Variants in GPATCH2 observed in about 807,000 individuals in gnomAD.
GPATCH2 encodes the protein G patch domain-containing protein 2.
GPATCH2 carries 51 observed loss-of-function variants against 58.0 expected under a neutral mutation model. The observed-to-expected ratio is 0.88, with a 90% CI of 0.70 to 1.11. GPATCH2 has a LOEUF of 1.11. Ranked by LOEUF, GPATCH2 falls within the 50% of genes most tolerant of loss-of-function variation. GPATCH2 has a pLI of 0.00. For synonymous variants in GPATCH2, 222 were observed against 218.5 expected, an observed-to-expected ratio of 1.02 and a Z score of -0.14; for missense variants, 625 against 652.2, an observed-to-expected ratio of 0.96 and a Z score of 0.45.
At chr1:217,522,961 AT>A (rs1181390912) in intron 5 of GPATCH2, among the ~76,000 whole-genome samples, 1 of 151,866 alleles carries the variant, frequency 6.6e-6, no homozygotes, top group Non-Finnish European at 1.5e-5. Flanking sequence ...TAAAAAACAG[AT>A]TAACATTTTA....
At chr1:217,534,728 C>T (rs1418515395) in intron 5 of GPATCH2, among the ~76,000 whole-genome samples, 1 of 152,146 alleles carries the variant, frequency 6.6e-6, no homozygotes. Flanking sequence ...CACTGGGTTA[C>T]CAGATGTCAC....
intron 5 of GPATCH2, among the ~76,000 whole-genome samples, chr1:217,603,723 A>C (rs1668218761): frequency 6.6e-6 from 1 of 152,032 alleles, no homozygotes; most frequent in African/African-American, 2.4e-5. Context: ...CCTGAGTTTA[A>C]GTGATTCTCC....
In GPATCH2 at chr1:217,536,927, G is replaced by A. The variant is rs540213711; in HGVS notation, c.1099-22038C>T. On this transcript the variant is annotated intron_variant, in intron 5 of 9. Coordinates refer to ENST00000366935, the MANE Select transcript of GPATCH2 (RefSeq NM_018040.5). ...GCGGAGGGTGCAGTGAGCCGAGATC[G>A]TGCCACTGCACTCCAGCCTGGGTGA... Among the ~76,000 whole-genome samples the A allele has an allele frequency of 3.5e-3, 531 of 152,190 alleles. 5 individuals are homozygous for A. Among genetic ancestry groups the A allele is most frequent in the African/African-American group, 0.012 (488 of 41,518 alleles).
At chr1:217,579,495 G>A (rs943521027) in intron 5 of GPATCH2, among the ~76,000 whole-genome samples, 3 of 152,020 alleles carry the variant, frequency 2.0e-5, no homozygotes, top group African/African-American at 4.8e-5. Flanking sequence ...CATTCAGAAT[G>A]AAAGATATAT....
At chr1:217,514,159 CCTT>C (rs1286761311) in intron 6 of GPATCH2, among the ~76,000 whole-genome samples, 2 of 149,114 alleles carry the variant, frequency 1.3e-5, no homozygotes, top group South Asian at 4.3e-4. Context: ...GTCTTTTACT[CCTT>C]TTTTTTTTTC....
intron 5 of GPATCH2, among the ~76,000 whole-genome samples, chr1:217,522,118 T>C (rs890671651): frequency 1.3e-5 from 2 of 152,228 alleles, no homozygotes; most frequent in African/African-American, 4.8e-5. Flanking sequence ...AACTAAACAA[T>C]ATAATTGTTT....
chr1:217,586,680 T>C (rs1404493219), intron 5 of GPATCH2, among the ~76,000 whole-genome samples: 1 of 152,230 alleles, frequency 6.6e-6, no homozygotes, highest in Non-Finnish European at 1.5e-5. Context: ...TTATTATCAT[T>C]ATCAACTATT....
chr1:217,583,439 C>T (rs1268615044), intron 5 of GPATCH2, among the ~76,000 whole-genome samples: 1 of 151,628 alleles, frequency 6.6e-6, no homozygotes, highest in African/African-American at 2.4e-5. Flanking sequence ...GTGGTGGTGG[C>T]ACGTGCCTGT....
chr1:217,627,876 T>C (rs1669541248), intron 1 of GPATCH2, among the ~76,000 whole-genome samples: 1 of 152,070 alleles, frequency 6.6e-6, no homozygotes, highest in East Asian at 1.9e-4. Flanking sequence ...GCTTTCAAAA[T>C]GTAAACTATT....
chr1:217,478,894 G>C (rs527725402), intron 8 of GPATCH2, among the ~76,000 whole-genome samples: 12 of 151,972 alleles, frequency 7.9e-5, no homozygotes, highest in Non-Finnish European at 1.3e-4. Context: ...AAAGAAACAA[G>C]TAACATACAA....
In GPATCH2 at chr1:217,430,797, C is replaced by T. The variant is rs1032430849; in HGVS notation, c.*348G>A. The stretch of plus-strand genomic sequence containing the variant: ...TTTTAGAAACTGGTGGGTGTGCTCA[C>T]GTTTGTCTGGGCATTGCAGCACTGC... On this transcript the variant is annotated 3_prime_UTR_variant, in exon 10 of 10. Coordinates refer to ENST00000366935, the MANE Select transcript of GPATCH2 (RefSeq NM_018040.5). 2 of 248,508 alleles carry T rather than the reference C, an allele frequency of 8.0e-6. No homozygotes were observed. The highest frequency in any genetic ancestry group is 1.5e-5 in the Non-Finnish European group (2 of 129,138). 15.4% of individuals were successfully genotyped at this position (248,508 alleles called of 1,614,324 possible).
At chr1:217,463,840 G>C (rs1296081972) in intron 8 of GPATCH2, among the ~76,000 whole-genome samples, 4 of 152,012 alleles carry the variant, frequency 2.6e-5, no homozygotes, top group Non-Finnish European at 5.9e-5. Context: ...ACAAGGGTGA[G>C]AGATTGAAAG....
chr1:217,611,844 T>C (rs1197788904), intron 3 of GPATCH2, among the ~76,000 whole-genome samples: 1 of 152,166 alleles, frequency 6.6e-6, no homozygotes, highest in Non-Finnish European at 1.5e-5. Context: ...AAACATTTTT[T>C]GTCTGTGAGA....
At chr1:217,467,285 G>A (rs1333763831) in intron 8 of GPATCH2, among the ~76,000 whole-genome samples, 1 of 152,146 alleles carries the variant, frequency 6.6e-6, no homozygotes, top group African/African-American at 2.4e-5. Flanking sequence ...TGGATCCCAT[G>A]AGTATTTTTA....
rs745998416 is a variant in GPATCH2 at position 217,491,717 on chromosome 1, C to T, written c.1240G>A (p.Gly414Arg). 186 of 1,507,846 alleles carry T rather than the reference C, an allele frequency of 1.2e-4. No individual in the cohort carries two copies. The highest frequency in any genetic ancestry group is 1.6e-4 in the Non-Finnish European group (178 of 1,094,778). The allele number at this position is 1,507,846 out of a possible 1,614,324, so 93.4% of individuals were successfully genotyped here. The change falls in exon 8 of 10, where the codon GGA (glycine) becomes AGA (arginine). Residue 414 changes from glycine (G) to arginine (R), a missense_variant. Transcript: ENST00000366935. ...QLLRDNRAERGHKKNCSVRTA... is the reference protein window; with the variant it reads ...QLLRDNRAERRHKKNCSVRTA... The stretch of plus-strand genomic sequence containing the variant: ...CTCACAGAACAATTTTTCTTGTGTC[C>T]TCTTTCAGCTCGATTATCTCTCAGA...
intron 5 of GPATCH2, among the ~76,000 whole-genome samples, chr1:217,559,634 G>T (rs1256376768): frequency 6.6e-6 from 1 of 152,196 alleles, no homozygotes; most frequent in African/African-American, 2.4e-5. Flanking sequence ...AAAGCAAAAG[G>T]GAGGGTGATC....
intron 8 of GPATCH2, among the ~76,000 whole-genome samples, chr1:217,453,199 T>C (rs1659752186): frequency 6.6e-6 from 1 of 152,254 alleles, no homozygotes; most frequent in Non-Finnish European, 1.5e-5. Context: ...CGGCATTTTC[T>C]GTTTCTTTCT....
At chr1:217,533,586 T>C (rs1373674623) in intron 5 of GPATCH2, among the ~76,000 whole-genome samples, 1 of 152,202 alleles carries the variant, frequency 6.6e-6, no homozygotes, top group Non-Finnish European at 1.5e-5. Flanking sequence ...AGACTAGGAA[T>C]TGTCTCTTAA....
chr1:217,555,109 C>T (rs1451110091), intron 5 of GPATCH2, among the ~76,000 whole-genome samples: 2 of 152,168 alleles, frequency 1.3e-5, no homozygotes, highest in Admixed American at 1.3e-4. Flanking sequence ...GCCACATTCT[C>T]ACTGTTAATG....
Sources: gnomAD v4.1 joint callset for allele counts (sites outside exome capture counted in the v4.1 genomes callset) on GRCh38, gnomAD v4.1.1 for gene constraint, MANE v1.5 for transcripts, NCBI Gene and HGNC (gene_info 2026-07-23, HGNC 2026-07-21) for gene names.